The following ASAP2 variants were observed in gnomAD, a reference collection of about 807,000 sequenced individuals.
ASAP2 encodes arf-GAP with SH3 domain, ANK repeat and PH domain-containing protein 2.
A neutral mutation model predicts 131.4 loss-of-function variants in ASAP2; 45 were observed. The observed-to-expected ratio is 0.34, with a 90% CI of 0.27 to 0.44. ASAP2 has a LOEUF of 0.44. Ranked by LOEUF, ASAP2 falls within the 20% of genes least tolerant of loss-of-function variation. The pLI is 1.00. For synonymous variants in ASAP2, 510 were observed against 503.0 expected (o/e 1.01, Z -0.19); for missense variants, 1,011 against 1,297.0 (o/e 0.78, Z 3.39).
At chr2:9,330,971 A>G (rs1436701813) in intron 7 of ASAP2, among the ~76,000 whole-genome samples, 1 of 152,218 alleles carries the variant, frequency 6.6e-6, no homozygotes, top group Non-Finnish European at 1.5e-5. Flanking sequence ...GACTTTCTCA[A>G]TTCACATTCT....
intron 1 of ASAP2, among the ~76,000 whole-genome samples, chr2:9,241,582 A>G (rs1316279738): frequency 6.6e-6 from 1 of 152,192 alleles, no homozygotes; most frequent in Non-Finnish European, 1.5e-5. Context: ...TCTTTTACCC[A>G]GGCATGGTGG....
At chr2:9,292,129 T>G (rs1409594048) in intron 2 of ASAP2, among the ~76,000 whole-genome samples, 2 of 152,024 alleles carry the variant, frequency 1.3e-5, no homozygotes, top group Admixed American at 1.3e-4. Flanking sequence ...TCAGGATCCA[T>G]GGAATGAAAG....
At chr2:9,260,173 G>C (rs765255466) in intron 1 of ASAP2, among the ~76,000 whole-genome samples, 1 of 152,216 alleles carries the variant, frequency 6.6e-6, no homozygotes, top group Non-Finnish European at 1.5e-5. Flanking sequence ...ATTACTGCCC[G>C]CATTTTAAGG....
At chr2:9,257,199 C>A (rs867524587) in intron 1 of ASAP2, among the ~76,000 whole-genome samples, 3 of 152,174 alleles carry the variant, frequency 2.0e-5, no homozygotes, top group African/African-American at 7.2e-5. Context: ...AAGGTGCGGG[C>A]CCCCATCCTG....
intron 1 of ASAP2, among the ~76,000 whole-genome samples, chr2:9,237,414 C>CT (rs35375516): frequency 0.28 from 36,566 of 131,934 alleles, 5,034 homozygotes; most frequent in African/African-American, 0.32. Flanking sequence ...GTCTTTTGGT[C>CT]TTTTTTTTTT....
At chr2:9,329,621 C>G (rs950622582) in intron 7 of ASAP2, among the ~76,000 whole-genome samples, 2 of 152,182 alleles carry the variant, frequency 1.3e-5, no homozygotes, top group African/African-American at 4.8e-5. Context: ...TGGGCAATTG[C>G]TTGTGTACAC....
At chr2:9,367,136 T>A (rs572376433) in intron 15 of ASAP2, among the ~76,000 whole-genome samples, 2 of 151,566 alleles carry the variant, frequency 1.3e-5, no homozygotes, top group East Asian at 3.9e-4. Context: ...ATTCAAGCAA[T>A]TCTCCTGTCT....
chr2:9,229,886 T>C (rs1436022152), intron 1 of ASAP2, among the ~76,000 whole-genome samples: 1 of 152,000 alleles, frequency 6.6e-6, no homozygotes, highest in Non-Finnish European at 1.5e-5. Context: ...GTTGGGGGCA[T>C]TTGTGGGCCT....
At chr2:9,379,588 C>G (rs1287566648) in intron 19 of ASAP2, among the ~76,000 whole-genome samples, 2 of 152,132 alleles carry the variant, frequency 1.3e-5, no homozygotes, top group Admixed American at 1.3e-4. Context: ...CACAGTTGTG[C>G]CTTGAGAGCA....
At chr2:9,367,262 AGC>A (rs1178290947) in intron 15 of ASAP2, among the ~76,000 whole-genome samples, 1 of 151,290 alleles carries the variant, frequency 6.6e-6, no homozygotes, top group Non-Finnish European at 1.5e-5. Context: ...CGAACTCCTG[AGC>A]TCAGCCGATC....
chr2:9,220,508 G>A (rs1662340385), intron 1 of ASAP2, among the ~76,000 whole-genome samples: 1 of 152,124 alleles, frequency 6.6e-6, no homozygotes, highest in African/African-American at 2.4e-5. Context: ...ATGGCTGTGT[G>A]TATCTTCTTT....
chr2:9,262,658 C>T (rs1405538241), intron 1 of ASAP2, among the ~76,000 whole-genome samples: 1 of 152,198 alleles, frequency 6.6e-6, no homozygotes, highest in African/African-American at 2.4e-5. Context: ...TTAATGCATC[C>T]ATTCCTTAAA....
chr2:9,400,121 G>A (rs933934262), intron 25 of ASAP2, 49 bp downstream of exon 25: 28 of 1,543,072 alleles, frequency 1.8e-5, no homozygotes, highest in African/African-American at 5.8e-5. Flanking sequence ...GTCCATGGGG[G>A]CAATGTGGGG....
chr2:9,209,347 G>C (rs564298068), intron 1 of ASAP2, among the ~76,000 whole-genome samples: 25 of 152,220 alleles, frequency 1.6e-4, no homozygotes, highest in Non-Finnish European at 3.4e-4. Flanking sequence ...CTCTTTCCCA[G>C]GTGTCTAATG....
intron 3 of ASAP2, among the ~76,000 whole-genome samples, chr2:9,317,782 A>C (rs890496500): frequency 2.9e-4 from 44 of 150,456 alleles, no homozygotes; most frequent in African/African-American, 1.1e-3. Flanking sequence ...ACCCTCACAC[A>C]CCCATACACA....
At chr2:9,394,945 T>G (rs1676000737) in intron 24 of ASAP2, among the ~76,000 whole-genome samples, 1 of 152,314 alleles carries the variant, frequency 6.6e-6, no homozygotes, top group African/African-American at 2.4e-5. Flanking sequence ...TGACGCTGCC[T>G]GTCAGCCAGA....
chr2:9,241,920 G>A (rs557799275), intron 1 of ASAP2, among the ~76,000 whole-genome samples: 8 of 152,260 alleles, frequency 5.3e-5, no homozygotes, highest in Non-Finnish European at 1.0e-4. Context: ...ATAAGTTTAG[G>A]GGAGCATGTT....
chr2:9,297,472 G>A (rs752511116), intron 3 of ASAP2, 27 bp downstream of exon 3: 1 of 1,612,416 alleles, frequency 6.2e-7, no homozygotes, highest in Admixed American at 1.7e-5. Flanking sequence ...ATGAAATGCT[G>A]CGGTTACTTC....
In ASAP2 at chr2:9,293,126, G is replaced by A. The variant is rs10174704; in HGVS notation, c.200-4174G>A. Among the ~76,000 whole-genome samples the A allele has an allele frequency of 5.5e-3, 836 of 152,298 alleles. 7 individuals carry two copies. The highest frequency in any genetic ancestry group is 0.015 in the African/African-American group (617 of 41,558). On this transcript the variant is annotated intron_variant, in intron 2 of 27. Transcript: ENST00000281419. ...ATAACAGAATCCAGTAAACTAAAAAGCACACAACAAAACCTAGTCATTGCC... is the reference window on the plus strand; with the variant it reads ...ATAACAGAATCCAGTAAACTAAAAAACACACAACAAAACCTAGTCATTGCC...
Sources: allele counts gnomAD v4.1 joint callset (sites outside exome capture counted in the v4.1 genomes callset), GRCh38; gene constraint gnomAD v4.1.1; transcripts MANE v1.5; gene names NCBI Gene and HGNC (gene_info 2026-07-23, HGNC 2026-07-21).